SEL1L: variants seen among roughly 807,000 people sequenced by gnomAD.
SEL1L encodes SEL1L adaptor subunit of SYVN1 ubiquitin ligase.
In SEL1L, 52 loss-of-function variants were observed where a neutral mutation model predicts 109.8. That is an observed-to-expected ratio of 0.47 (90% CI 0.38 to 0.60). The LOEUF is 0.60. Ranked by LOEUF, SEL1L falls within the 20% of genes least tolerant of loss-of-function variation. The pLI is 0.00. For missense variants in SEL1L, 749 were observed against 962.2 expected (o/e 0.78, Z 2.93); for synonymous variants, 373 against 339.6 (o/e 1.10, Z -1.08).
rs201826976 is a variant in SEL1L at position 81,526,011 on chromosome 14, T to TA, written c.340+721dup. ...ATTCATGAGAATGGTATATTTGTAGTAAAAAAAAATTCTATTTTTTTAAAA... is the reference window on the plus strand; with the variant it reads ...ATTCATGAGAATGGTATATTTGTAGTAAAAAAAAAATTCTATTTTTTTAAAA... On this transcript the variant is annotated intron_variant, in intron 3 of 20. Coordinates refer to ENST00000336735, the MANE Select transcript of SEL1L (RefSeq NM_005065.6). Among the ~76,000 whole-genome samples the TA allele has an allele frequency of 7.1e-3, 1,076 of 151,844 alleles. 14 individuals carry two copies. The highest frequency in any genetic ancestry group is 0.022 in the African/African-American group (924 of 41,446).
chr14:81,479,391 C>T, intron 20 of SEL1L: 1 of 339,084 alleles, frequency 2.9e-6, no homozygotes. Flanking sequence ...GCTTTAGCGT[C>T]AGGAAGTGTC....
At position 81,533,723 on chromosome 14, in the gene SEL1L, T is replaced by C; in HGVS notation, c.22A>G (p.Thr8Ala). MRVRIGL[T>A]LLLCAVLLSL... ...AGCAGCACCGCACACAGCAGCAGCGTCAGCCCTATCCGGACCCGCATCCTC... is the reference window on the plus strand; with the variant it reads ...AGCAGCACCGCACACAGCAGCAGCGCCAGCCCTATCCGGACCCGCATCCTC... Residue 8 changes from threonine to alanine, a missense_variant, in exon 1 of 21, where the codon ACG becomes GCG. Physicochemically the swap from Thr to Ala is moderately conservative, Grantham distance 58 (BLOSUM62 0). Around this residue, in one of 2 missense-constraint regions of SEL1L, gnomAD observed 366 missense variants for 399.8 expected, o/e 0.92. Coordinates refer to ENST00000336735, the MANE Select transcript of SEL1L (RefSeq NM_005065.6). 6.2e-7 allele frequency: 1 copy of C among 1,613,560 alleles called. No homozygotes were observed. Among genetic ancestry groups the C allele is most frequent in the South Asian group, 1.1e-5 (1 of 91,060 alleles).
Position 81,533,753 on chromosome 14 carries a change from C to T in SEL1L, c.-9G>A, listed in dbSNP as rs1301405892. On this transcript the variant is annotated 5_prime_UTR_variant, in exon 1 of 21. Transcript: ENST00000336735. ...CCTATCCGGACCCGCATCCTCCTCT[C>T]GGGGCCGGTGCCAACCCCTAGAGCT... 5 of 1,612,490 alleles carry T rather than the reference C, an allele frequency of 3.1e-6. No homozygotes were observed. In the African/African-American group the frequency reaches 5.3e-5, roughly 17 times the overall value.
intron 3 of SEL1L, among the ~76,000 whole-genome samples, chr14:81,506,679 T>G (rs1884253247): frequency 6.6e-6 from 1 of 152,182 alleles, no homozygotes. Context: ...AGCTAACCAC[T>G]CACACACTCC....
intron 6 of SEL1L, among the ~76,000 whole-genome samples, chr14:81,501,371 G>A (rs1884000017): frequency 6.6e-6 from 1 of 152,096 alleles, no homozygotes; most frequent in Non-Finnish European, 1.5e-5. Context: ...TAATATTAGA[G>A]GGAACTGATG....
Position 81,473,568 on chromosome 14 carries a change from T to C in SEL1L, c.*3404A>G, listed in dbSNP as rs1903067101. ...ACATACTTCTAGTCATAATAATGTG[T>C]AATACATATATATATTATGAGATTC... On this transcript the variant is annotated 3_prime_UTR_variant, in exon 21 of 21. Transcript: ENST00000336735. The C allele has an allele frequency of 6.6e-6, 1 of 152,216 alleles. No homozygotes were observed. Among genetic ancestry groups the C allele is most frequent in the Non-Finnish European group, 1.5e-5 (1 of 68,024 alleles). The allele number at this position is 152,216 out of a possible 1,614,324, so 9.4% of individuals were successfully genotyped here. A position where few individuals can be genotyped will look rare whatever the true frequency, so the allele number is the denominator to read the frequency against.
chr14:81,524,365 C>T (rs1885032534), intron 3 of SEL1L, among the ~76,000 whole-genome samples: 1 of 152,154 alleles, frequency 6.6e-6, no homozygotes. Flanking sequence ...AGAAAGTACA[C>T]ACCACCACCT....
intron 1 of SEL1L, among the ~76,000 whole-genome samples, chr14:81,528,431 C>T (rs1466253930): frequency 6.6e-6 from 1 of 152,174 alleles, no homozygotes; most frequent in East Asian, 1.9e-4. Context: ...TACACATTCA[C>T]ACAGCCTGCT....
intron 11 of SEL1L, among the ~76,000 whole-genome samples, chr14:81,493,071 C>T (rs896875359): frequency 2.6e-5 from 4 of 152,210 alleles, no homozygotes; most frequent in African/African-American, 9.6e-5. Context: ...AGAAATTCAT[C>T]ATCACCACTC....
At chr14:81,479,242 C>CT (rs376962541) in intron 20 of SEL1L, 338 of 150,726 alleles carry the variant, frequency 2.2e-3, no homozygotes, top group African/African-American at 6.9e-3. Flanking sequence ...TCAGATTCTT[C>CT]TTTTTTTTTT....
intron 12 of SEL1L, among the ~76,000 whole-genome samples, chr14:81,491,619 A>G (rs1883539523): frequency 6.6e-6 from 1 of 152,234 alleles, no homozygotes; most frequent in African/African-American, 2.4e-5. Context: ...GATATATTCC[A>G]TCTAAACTTC....
At chr14:81,532,095 T>C (rs1445195989) in intron 1 of SEL1L, among the ~76,000 whole-genome samples, 2 of 152,232 alleles carry the variant, frequency 1.3e-5, no homozygotes, top group Admixed American at 6.5e-5. Context: ...GCCCCAACTG[T>C]TGATCTTCAA....
intron 1 of SEL1L, among the ~76,000 whole-genome samples, chr14:81,528,411 A>C (rs567899765): frequency 2.6e-4 from 39 of 152,308 alleles, no homozygotes; most frequent in African/African-American, 8.7e-4. Flanking sequence ...GCCACCGGTT[A>C]CACCTTGCTT....
chr14:81,486,243 G>T, intron 17 of SEL1L, 46 bp downstream of exon 17: 2 of 1,576,780 alleles, frequency 1.3e-6, no homozygotes, highest in South Asian at 1.1e-5. Context: ...TTACTGGTGT[G>T]AACTCGTACA....
chr14:81,530,251 C>G (rs1885271847), intron 1 of SEL1L, among the ~76,000 whole-genome samples: 1 of 152,214 alleles, frequency 6.6e-6, no homozygotes, highest in Non-Finnish European at 1.5e-5. Flanking sequence ...TAAATTGGTA[C>G]AGATCCTAAG....
rs369105335 is a variant in SEL1L, at chr14:81,479,697, G to A, written c.2090C>T (p.Ala697Val). ...GACTGGAACTTGTGCATCTGGGCTG[G>A]CTTCAGCTGCCATGTCATAAAAACG... The part of the protein sequence containing the change: ...AKRFYDMAAE[A>V]SPDAQVPVFL... The change falls in exon 20 of 21, where the codon GCC becomes GTC. Residue 697 changes from alanine to valine, a missense_variant. Transcript: ENST00000336735. 3 of 1,613,800 alleles carry A rather than the reference G, an allele frequency of 1.9e-6. No individual in the cohort carries two copies. The African/African-American group carries it at 4.0e-5, about 22-fold the overall frequency.
chr14:81,514,552 G>T (rs1884621521), intron 3 of SEL1L, among the ~76,000 whole-genome samples: 1 of 152,148 alleles, frequency 6.6e-6, no homozygotes, highest in African/African-American at 2.4e-5. Flanking sequence ...GAATGCGTTG[G>T]TAAGGGCCAC....
At chr14:81,490,534 A>C (rs1052881716) in intron 12 of SEL1L, 69 bp from the exon 13 acceptor site, 196 of 1,170,804 alleles carry the variant, frequency 1.7e-4, no homozygotes, top group Non-Finnish European at 2.2e-4. Flanking sequence ...CTCCTTTCTC[A>C]TCTCCTTTGA....
intron 15 of SEL1L, 57 bp downstream of exon 15, chr14:81,487,798 A>G: frequency 6.2e-7 from 1 of 1,604,380 alleles, no homozygotes; most frequent in Non-Finnish European, 8.5e-7. Context: ...GCCATCTAGT[A>G]GAAAACAGCT....
Sources: allele counts gnomAD v4.1 joint callset (sites outside exome capture counted in the v4.1 genomes callset), GRCh38; gene constraint gnomAD v4.1.1; regional missense constraint gnomAD v4.1.1; transcripts MANE v1.5; gene names NCBI Gene and HGNC (gene_info 2026-07-23, HGNC 2026-07-21).